MYO3B: variants seen among roughly 807,000 people sequenced by gnomAD.
MYO3B encodes myosin IIIB, also known as myosin-IIIb.
MYO3B carries 156 observed loss-of-function variants against 174.6 expected under a neutral mutation model. The observed-to-expected ratio is 0.89, with a 90% confidence interval of 0.78 to 1.02. The LOEUF (loss-of-function observed/expected upper bound fraction) is 1.02. Among genes scored for constraint, MYO3B ranks in the 50% least tolerant of loss-of-function variants. The pLI is 0.00. For synonymous variants in MYO3B, 563 were observed against 569.1 expected, an observed-to-expected ratio of 0.99 and a Z score of 0.15; for missense variants, 1,632 against 1,639.4, an observed-to-expected ratio of 1.00 and a Z score of 0.08.
chr2:170,328,338 G>A (rs1038532125), intron 7 of MYO3B, among the ~76,000 whole-genome samples: 1 of 152,142 alleles, frequency 6.6e-6, no homozygotes, highest in Admixed American at 6.6e-5. Context: ...TGTAGCTGCT[G>A]GAATCGAACC....
At chr2:170,293,111 G>T (rs2093606666) in intron 7 of MYO3B, among the ~76,000 whole-genome samples, 1 of 152,064 alleles carries the variant, frequency 6.6e-6, no homozygotes, top group Non-Finnish European at 1.5e-5. Context: ...CCTCTCTGTG[G>T]CCCCAGGATG....
chr2:170,382,142 T>C lies in MYO3B; in HGVS notation c.1068+30T>C, dbSNP rs370089446. ...TAAATATTTAGTAGACAATTCTCATTGAAGACATTTGTTTCATGTGAATGG... is the reference window on the plus strand; with the variant it reads ...TAAATATTTAGTAGACAATTCTCATCGAAGACATTTGTTTCATGTGAATGG... On this transcript the variant is annotated intron_variant, in intron 10 of 34. Coordinates refer to ENST00000408978, the MANE Select transcript of MYO3B (RefSeq NM_138995.5). The C allele has an allele frequency of 3.2e-6, 5 of 1,555,024 alleles. No individual in the cohort carries two copies. In the African/African-American group the frequency reaches 6.8e-5, roughly 21 times the overall value.
chr2:170,386,917 C>A (rs1173450494), intron 13 of MYO3B, among the ~76,000 whole-genome samples, 189 bp from the exon 14 acceptor site: 2 of 152,202 alleles, frequency 1.3e-5, no homozygotes, highest in East Asian at 3.8e-4. Flanking sequence ...TAGCCAAATC[C>A]GATTCATATG....
rs1699166504 is a variant in MYO3B at position 170,654,207 on chromosome 2, C to T, written c.*1086C>T. The T allele has an allele frequency of 6.6e-6, 1 of 152,140 alleles. No homozygotes were observed. 9.4% of individuals were successfully genotyped at this position (152,140 alleles called of 1,614,324 possible). On this transcript the variant is annotated 3_prime_UTR_variant, in exon 35 of 35. Coordinates refer to ENST00000408978, the MANE Select transcript of MYO3B (RefSeq NM_138995.5). ...ACTCAACATGATTCAGTATGACAAA[C>T]TTTTTTGAGCACCTACTTTATATAA... is the stretch of plus-strand genomic sequence containing the variant.
At position 170,402,959 on chromosome 2, in the gene MYO3B, G is replaced by A. The variant is rs1249454045; in HGVS notation, c.2241G>A (p.Gln747=). ...TAAACATCGCCAATGAGCAAATCCA[G>A]TACTATTTCAATCAGCATGTTTTTG... is the stretch of plus-strand genomic sequence containing the variant. ...LCINIANEQI[Q]YYFNQHVFAL... The change falls in exon 19 of 35, where the codon CAG becomes CAA. Residue 747 remains glutamine, a synonymous_variant. Transcript: ENST00000408978. 1 of 1,607,356 alleles carries A rather than the reference G, an allele frequency of 6.2e-7. No individual in the cohort carries two copies. The highest frequency in any genetic ancestry group is 1.7e-5 in the Admixed American group (1 of 59,992).
chr2:170,219,645 C>CAA (rs1157876323), intron 6 of MYO3B, among the ~76,000 whole-genome samples: 12 of 127,460 alleles, frequency 9.4e-5, no homozygotes, highest in Admixed American at 3.2e-4. Flanking sequence ...CTCTGTCTCT[C>CAA]AAAAAAAAAA....
intron 32 of MYO3B, among the ~76,000 whole-genome samples, chr2:170,651,222 G>C (rs1698989471): frequency 2.6e-5 from 4 of 152,132 alleles, no homozygotes; most frequent in Non-Finnish European, 4.4e-5. Flanking sequence ...GAGTATGTGT[G>C]CTCCAGATGT....
intron 30 of MYO3B, among the ~76,000 whole-genome samples, chr2:170,520,631 G>A (rs1688621403): frequency 6.6e-6 from 1 of 151,962 alleles, no homozygotes; most frequent in South Asian, 2.1e-4. Flanking sequence ...ATCATTTCCT[G>A]TTTAGCCACA....
At chr2:170,340,923 G>A (rs1174592811) in intron 8 of MYO3B, 8 of 152,120 alleles carry the variant, frequency 5.3e-5, no homozygotes, top group Admixed American at 5.2e-4. Context: ...TAGCATACTG[G>A]TGTGTCTATT....
At chr2:170,530,408 T>A (rs1056828815) in intron 30 of MYO3B, among the ~76,000 whole-genome samples, 8 of 152,230 alleles carry the variant, frequency 5.3e-5, no homozygotes, top group Non-Finnish European at 1.5e-5. Context: ...CCAGTGCTCC[T>A]GGCCAGCTCC....
chr2:170,403,478 A>G (rs2094491436), intron 19 of MYO3B, among the ~76,000 whole-genome samples: 1 of 152,154 alleles, frequency 6.6e-6, no homozygotes, highest in African/African-American at 2.4e-5. Flanking sequence ...TCATCCCTCT[A>G]TGAGTTTAAT....
At chr2:170,318,490 G>C (rs1282224872) in intron 7 of MYO3B, among the ~76,000 whole-genome samples, 1 of 152,174 alleles carries the variant, frequency 6.6e-6, no homozygotes, top group Non-Finnish European at 1.5e-5. Flanking sequence ...CAATAGGATG[G>C]GGAGGGCTAG....
intron 32 of MYO3B, among the ~76,000 whole-genome samples, chr2:170,583,179 A>T (rs1221461459): frequency 6.7e-6 from 1 of 150,186 alleles, no homozygotes; most frequent in Non-Finnish European, 1.5e-5. Context: ...TACCAGACTG[A>T]TAGATTTTTT....
intron 32 of MYO3B, among the ~76,000 whole-genome samples, chr2:170,612,349 T>G (rs1035096907): frequency 6.6e-6 from 1 of 152,238 alleles, no homozygotes; most frequent in African/African-American, 2.4e-5. Context: ...CTCAGGGCCT[T>G]ATGGACAGCA....
intron 25 of MYO3B, among the ~76,000 whole-genome samples, chr2:170,496,335 G>A (rs1686853122): frequency 6.6e-6 from 1 of 152,148 alleles, no homozygotes; most frequent in Admixed American, 6.5e-5. Context: ...ATATTTGGCA[G>A]GGGGGAGGGA....
intron 8 of MYO3B, among the ~76,000 whole-genome samples, chr2:170,351,927 T>C (rs1044353777): frequency 6.6e-6 from 1 of 152,198 alleles, no homozygotes; most frequent in East Asian, 1.9e-4. Flanking sequence ...GATTTAGGCA[T>C]GCACAAGTTG....
chr2:170,342,204 T>C (rs1014789510), intron 8 of MYO3B: 2 of 152,228 alleles, frequency 1.3e-5, no homozygotes, highest in African/African-American at 4.8e-5. Context: ...TGTTAGTGCT[T>C]GTGGCGCATT....
At chr2:170,372,146 C>CAA (rs1046897727) in intron 9 of MYO3B, among the ~76,000 whole-genome samples, 12 of 67,962 alleles carry the variant, frequency 1.8e-4, no homozygotes, top group South Asian at 4.9e-4. Context: ...AAAAAAAAAA[C>CAA]AACAACAACA....
rs774938238 is a variant in MYO3B at position 170,386,309 on chromosome 2, G to A, written c.1374+37G>A. 7 of 1,552,660 alleles carry A rather than the reference G, an allele frequency of 4.5e-6. No individual in the cohort carries two copies. The Admixed American group carries it at 5.1e-5, about 11-fold the overall frequency. On this transcript the variant is annotated intron_variant, in intron 13 of 34. Transcript: ENST00000408978. ...TCTGCTTTACGTATTGTGGCGAGAA[G>A]TTCCTACAGAGTAACTGCATATTTG...
Sources: allele counts gnomAD v4.1 joint callset (sites outside exome capture counted in the v4.1 genomes callset), GRCh38; gene constraint gnomAD v4.1.1; transcripts MANE v1.5; gene names NCBI Gene and HGNC (gene_info 2026-07-23, HGNC 2026-07-21).